The following ATXN7 variants were observed in gnomAD, a reference collection of about 807,000 sequenced individuals.
The protein encoded by ATXN7 is ataxin-7.
A neutral mutation model predicts 70.5 loss-of-function variants in ATXN7; 12 were observed. That is an observed-to-expected ratio of 0.17 (90% CI 0.11 to 0.28). The LOEUF (loss-of-function observed/expected upper bound fraction) is 0.28, where lower values mean the gene tolerates loss of function less well. Ranked by LOEUF, ATXN7 falls within the 10% of genes least tolerant of loss-of-function variation. The probability of loss-of-function intolerance (pLI) is 1.00; values close to 1 mark genes in which losing one functional copy is unlikely to be tolerated. For synonymous variants in ATXN7, 498 were observed against 448.7 expected (o/e 1.11, Z -1.39); for missense variants, 1,256 against 1,131.7 (o/e 1.11, Z -1.58).
chr3:63,870,228 G>C (rs188958149), intron 1 of ATXN7, among the ~76,000 whole-genome samples: 2 of 152,192 alleles, frequency 1.3e-5, no homozygotes, highest in African/African-American at 4.8e-5. Context: ...TATGTGTCAC[G>C]TCATATTTTA....
rs2075813456 is a variant in ATXN7, at chr3:63,999,620, A to G, written c.*153A>G. ...AGAAACCTGCCGGGCTGTTGTTTTA[A>G]CGAGGATTTCCCTGAAGCTATGTCT... On this transcript the variant is annotated 3_prime_UTR_variant, in exon 13 of 13. Transcript: ENST00000674280. The G allele has an allele frequency of 7.2e-7, 1 of 1,387,760 alleles. No homozygotes were observed. Among genetic ancestry groups the G allele is most frequent in the Non-Finnish European group, 1.0e-6 (1 of 997,674 alleles). 86.0% of individuals were successfully genotyped at this position (1,387,760 alleles called of 1,614,324 possible). A position where few individuals can be genotyped will look rare whatever the true frequency, so the allele number is the denominator to read the frequency against.
At chr3:63,942,001 C>T (rs962871971) in intron 4 of ATXN7, among the ~76,000 whole-genome samples, 3 of 152,208 alleles carry the variant, frequency 2.0e-5, no homozygotes, top group African/African-American at 7.2e-5. Flanking sequence ...TTCCTCTTCT[C>T]TCTGGTTTCT....
chr3:63,947,807 T>C (rs2074888554), intron 4 of ATXN7, among the ~76,000 whole-genome samples: 1 of 152,046 alleles, frequency 6.6e-6, no homozygotes, highest in Non-Finnish European at 1.5e-5. Flanking sequence ...ACCAGGCATC[T>C]TGTGAAGTGC....
chr3:63,873,074 A>T (rs1702643985), intron 1 of ATXN7, among the ~76,000 whole-genome samples: 1 of 152,094 alleles, frequency 6.6e-6, no homozygotes, highest in African/African-American at 2.4e-5. Flanking sequence ...ATTATCTTAA[A>T]ATTTTACATG....
chr3:63,982,009 T>A (rs2075495617), intron 6 of ATXN7, among the ~76,000 whole-genome samples, 177 bp from the exon 7 acceptor site: 1 of 152,192 alleles, frequency 6.6e-6, no homozygotes, highest in Non-Finnish European at 1.5e-5. Context: ...CCAGAAGGGC[T>A]TATAGACTTA....
At chr3:63,908,724 A>G (rs1208750962) in intron 2 of ATXN7, among the ~76,000 whole-genome samples, 1 of 152,190 alleles carries the variant, frequency 6.6e-6, no homozygotes, top group South Asian at 2.1e-4. Flanking sequence ...GGAAAGGTCA[A>G]CTTTTTGTTT....
At position 63,866,916 on chromosome 3, in the gene ATXN7, A is replaced by G. The variant is rs560636964; in HGVS notation, c.-111+2758A>G. 20 of 151,626 alleles carry G rather than the reference A, an allele frequency of 1.3e-4. No homozygotes were observed. The South Asian group carries it at 3.7e-3, about 28-fold the overall frequency. The allele number at this position is 151,626 out of a possible 1,614,324, so 9.4% of individuals were successfully genotyped here. On this transcript the variant is annotated intron_variant, in intron 1 of 12. Transcript: ENST00000674280. The stretch of plus-strand genomic sequence containing the variant: ...AAACTGATTCAGACTTTGAACTTGT[A>G]TGACCTTATATTTATTGATTTATTT...
chr3:63,885,186 A>C lies in ATXN7; in HGVS notation c.-110-13213A>C, dbSNP rs184843515. 2.5e-3 allele frequency among the ~76,000 whole-genome samples: 387 copies of C among 152,310 alleles called. 2 individuals are homozygous for C. Among genetic ancestry groups the C allele is most frequent in the African/African-American group, 9.0e-3 (376 of 41,566 alleles). ...TCAACAGAGTGAAAAGACAATCAAC[A>C]CTATGGGAGAAAATATTTGCAAACC... On this transcript the variant is annotated intron_variant, in intron 1 of 12. Transcript: ENST00000674280.
chr3:63,875,638 C>A (rs1016372248), intron 1 of ATXN7, among the ~76,000 whole-genome samples: 6 of 152,134 alleles, frequency 3.9e-5, no homozygotes, highest in Non-Finnish European at 8.8e-5. Flanking sequence ...TTTTTTATTT[C>A]TTTTCCCTGT....
chr3:63,990,497 A>G (rs1430520872), intron 10 of ATXN7, 123 bp downstream of exon 10: 2 of 1,302,484 alleles, frequency 1.5e-6, no homozygotes, highest in Non-Finnish European at 2.1e-6. Context: ...GTGTGAGAGA[A>G]GTTCAAAACA....
At chr3:63,916,250 G>A (rs979102839) in intron 4 of ATXN7, among the ~76,000 whole-genome samples, 5 of 152,170 alleles carry the variant, frequency 3.3e-5, no homozygotes, top group African/African-American at 1.2e-4. Flanking sequence ...TCTTTCAACT[G>A]TTGATAACCT....
chr3:63,900,288 A>G (rs895170028), intron 2 of ATXN7, among the ~76,000 whole-genome samples: 1 of 152,230 alleles, frequency 6.6e-6, no homozygotes, highest in Admixed American at 6.5e-5. Flanking sequence ...ATCAGGTTTT[A>G]GGCAACTGTA....
chr3:63,956,106 G>T (rs1439945763), intron 5 of ATXN7, among the ~76,000 whole-genome samples: 2 of 152,172 alleles, frequency 1.3e-5, no homozygotes, highest in African/African-American at 2.4e-5. Flanking sequence ...AGTTTTTTCA[G>T]TCTGATTGCT....
At chr3:63,968,715 C>T (rs2075265652) in intron 5 of ATXN7, among the ~76,000 whole-genome samples, 1 of 152,144 alleles carries the variant, frequency 6.6e-6, no homozygotes, top group Non-Finnish European at 1.5e-5. Context: ...AGGTAGCCAG[C>T]AGAGCTAAGC....
intron 2 of ATXN7, among the ~76,000 whole-genome samples, chr3:63,899,673 GCGC>G (rs1703558524): frequency 1.3e-5 from 2 of 151,952 alleles, no homozygotes; most frequent in African/African-American, 4.8e-5. Context: ...GAGTGCAGTG[GCGC>G]CATCTCGGCT....
chr3:63,884,927 G>A (rs1363336229), intron 1 of ATXN7, among the ~76,000 whole-genome samples: 1 of 151,840 alleles, frequency 6.6e-6, no homozygotes, highest in African/African-American at 2.4e-5. Context: ...CCAAAATGCT[G>A]GGATTACAGT....
chr3:63,912,563 C>T (rs1704072113), intron 2 of ATXN7, 25 bp from the exon 3 acceptor site: 7 of 1,118,068 alleles, frequency 6.3e-6, no homozygotes, highest in Admixed American at 1.0e-4. Context: ...GCGACTCTTT[C>T]CCCCTTTTTT....
At chr3:63,990,696 G>T in intron 10 of ATXN7, 42 bp from the exon 11 acceptor site, 1 of 1,613,874 alleles carries the variant, frequency 6.2e-7, no homozygotes, top group Non-Finnish European at 8.5e-7. Context: ...GGGCATGCCA[G>T]TGTGGGAGTC....
intron 1 of ATXN7, among the ~76,000 whole-genome samples, chr3:63,891,017 T>C (rs903883171): frequency 6.6e-6 from 1 of 152,016 alleles, no homozygotes; most frequent in Non-Finnish European, 1.5e-5. Flanking sequence ...TTTTATTTAT[T>C]TGTTTATTTT....
Sources: gnomAD v4.1 joint callset for allele counts (sites outside exome capture counted in the v4.1 genomes callset) on GRCh38, gnomAD v4.1.1 for gene constraint, MANE v1.5 for transcripts, NCBI Gene and HGNC (gene_info 2026-07-23, HGNC 2026-07-21) for gene names.